NSUN5: variants seen among roughly 807,000 people sequenced by gnomAD.
The protein encoded by NSUN5 is 28S rRNA (cytosine-C(5))-methyltransferase.
A neutral mutation model predicts 51.1 loss-of-function variants in NSUN5; 39 were observed. That is an observed-to-expected ratio of 0.76 (90% CI 0.59 to 1.00). The LOEUF is 1.00. Ranked by LOEUF, NSUN5 falls within the 50% of genes least tolerant of loss-of-function variation. NSUN5 has a pLI of 0.00. For missense variants in NSUN5, 526 were observed against 614.0 expected, an observed-to-expected ratio of 0.86 and a Z score of 1.51; for synonymous variants, 266 against 271.5, an observed-to-expected ratio of 0.98 and a Z score of 0.20.
At position 73,306,211 on chromosome 7, in the gene NSUN5, C is replaced by A. The variant is rs577295011; in HGVS notation, c.501-1114G>T. 2.6e-3 allele frequency among the ~76,000 whole-genome samples: 400 copies of A among 151,266 alleles called. 2 individuals are homozygous for A. Among genetic ancestry groups the A allele is most frequent in the Non-Finnish European group, 4.8e-3 (325 of 67,762 alleles). On this transcript the variant is annotated intron_variant, in intron 4 of 9. Coordinates refer to ENST00000438747, the MANE Select transcript of NSUN5 (RefSeq NM_148956.4). ...ACCAGCCTGACCAACATGGAGAAACCCCGTCTCTACTAAAAATACAAAATT... is the reference window on the plus strand; with the variant it reads ...ACCAGCCTGACCAACATGGAGAAACACCGTCTCTACTAAAAATACAAAATT...
rs11544045 is a variant in NSUN5 at position 73,303,912 on chromosome 7, C to G, written c.1059G>C (p.Arg353=). The G allele has an allele frequency of 1.2e-6, 2 of 1,613,878 alleles. No individual in the cohort carries two copies. The highest frequency in any genetic ancestry group is 4.5e-5 in the East Asian group (2 of 44,878). ...CHALTFPSLQ[R]LVYSTCSLCQ... is the part of the protein sequence containing the mutation. ...AGAGGGAGCACGTGGAGTAGACGAG[C>G]CGCTGCAGGGAAGGGAAAGTGAGTG... The change falls in exon 8 of 10, where the codon CGG becomes CGC. Residue 353 remains arginine (R), a synonymous_variant. Coordinates refer to ENST00000438747, the MANE Select transcript of NSUN5 (RefSeq NM_148956.4).
chr7:73,304,430 C>A, intron 6 of NSUN5, 22 bp from the exon 7 acceptor site: 1 of 1,599,132 alleles, frequency 6.3e-7, no homozygotes, highest in South Asian at 1.1e-5. Context: ...CAGGGGTGAG[C>A]TGAGCACGCA....
intron 2 of NSUN5, chr7:73,308,204 A>G: frequency 1.7e-6 from 1 of 577,534 alleles, no homozygotes; most frequent in Non-Finnish European, 2.9e-6. Context: ...CGACTTCCTT[A>G]CAGTCTCCGC....
chr7:73,304,072 AG>A (rs1554541390), intron 7 of NSUN5, 36 bp from the exon 8 acceptor site: 2 of 1,604,470 alleles, frequency 1.2e-6, no homozygotes, highest in African/African-American at 2.7e-5. Flanking sequence ...ATAGCTTCAC[AG>A]GCTACCTCAG....
At chr7:73,304,654 G>C (rs1175221169) in intron 6 of NSUN5, 93 bp downstream of exon 6, 5 of 1,140,138 alleles carry the variant, frequency 4.4e-6, no homozygotes, top group Non-Finnish European at 5.3e-6. Flanking sequence ...CAGCAAGAAA[G>C]ACTTAAGCGA....
At position 73,304,718 on chromosome 7, in the gene NSUN5, T is replaced by C. The variant is rs782387726; in HGVS notation, c.755+29A>G. On this transcript the variant is annotated intron_variant, in intron 6 of 9. Coordinates refer to ENST00000438747, the MANE Select transcript of NSUN5 (RefSeq NM_148956.4). ...CTGAAAGGCACAGAATCAAACCCCA[T>C]GTCCTCCTCCTCCTCCTGTGGCACT... 2.0e-5 allele frequency: 31 copies of C among 1,531,678 alleles called. No homozygotes were observed. In the Admixed American group the frequency reaches 3.2e-4, roughly 16 times the overall value. 94.9% of individuals were successfully genotyped at this position (1,531,678 alleles called of 1,614,324 possible). A position where few individuals can be genotyped will look rare whatever the true frequency, so the allele number is the denominator to read the frequency against.
At chr7:73,306,629 G>A (rs372696251) in intron 4 of NSUN5, among the ~76,000 whole-genome samples, 33 of 151,190 alleles carry the variant, frequency 2.2e-4, no homozygotes, top group Non-Finnish European at 2.8e-4. Flanking sequence ...CCTGTAATCC[G>A]AGCACTTTGG....
chr7:73,308,434 G>A lies in NSUN5; in HGVS notation c.213C>T (p.Ala71=), dbSNP rs1405506404. The A allele has an allele frequency of 6.2e-7, 1 of 1,600,082 alleles. No homozygotes were observed. Among genetic ancestry groups the A allele is most frequent in the African/African-American group, 1.3e-5 (1 of 74,690 alleles). The change falls in exon 2 of 10, where the codon GCC becomes GCT. Residue 71 remains alanine, a synonymous_variant. Coordinates refer to ENST00000438747, the MANE Select transcript of NSUN5 (RefSeq NM_148956.4). The stretch of plus-strand genomic sequence containing the variant: ...CCCGTCCCTCCCCTCCCCTCACCTT[G>A]GCCAGGTGCGGCCGCAGCTTCTTCT... The part of the protein sequence containing the change: ...RAEKKLRPHL[A]KVLVYELLLG...
rs782167084 is a variant in NSUN5 at position 73,304,030 on chromosome 7, G to A, written c.941C>T (p.Pro314Leu). 1.5e-5 allele frequency: 25 copies of A among 1,613,910 alleles called. No homozygotes were observed. Among genetic ancestry groups the A allele is most frequent in the Admixed American group, 3.3e-5 (2 of 60,014 alleles). ...CCCGGGCTCCTCCAGCTGTCTGCTC[G>A]GCATACCTAAGGAAAAGAGTGTCTC... ...LDPSCSGSGM[P>L]SRQLEEPGAG... Residue 314 changes from proline to leucine, a missense_variant, in exon 8 of 10, where the codon CCG becomes CTG. Transcript: ENST00000438747.
At chr7:73,307,268 ATGGATAAAC>A in intron 4 of NSUN5, 117 bp downstream of exon 4, 1 of 680,252 alleles carries the variant, frequency 1.5e-6, no homozygotes, top group South Asian at 1.8e-5. Flanking sequence ...AACCTTGGAG[ATGGATAAAC>A]TGCTGGAAAG....
intron 1 of NSUN5, 40 bp from the exon 2 acceptor site, chr7:73,308,593 C>G (rs782816264): frequency 6.3e-7 from 1 of 1,588,208 alleles, no homozygotes; most frequent in African/African-American, 1.3e-5. Context: ...GGGGCTCCCC[C>G]GGCCCTCCTC....
At position 73,307,576 on chromosome 7, in the gene NSUN5, A is replaced by T; in HGVS notation, c.391+7T>A. The T allele has an allele frequency of 1.3e-6, 1 of 740,914 alleles. No individual in the cohort carries two copies. The highest frequency in any genetic ancestry group is 2.0e-6 in the Non-Finnish European group (1 of 489,746). 45.9% of individuals were successfully genotyped at this position (740,914 alleles called of 1,614,324 possible). ...CCTCCCCCACCCCCCAACTCCTTCCAGCTTACCTGGACCAGGCCTGGATCC... is the reference window on the plus strand; with the variant it reads ...CCTCCCCCACCCCCCAACTCCTTCCTGCTTACCTGGACCAGGCCTGGATCC... On this transcript the variant is annotated splice_region_variant and intron_variant, in intron 3 of 9. Transcript: ENST00000438747.
intron 5 of NSUN5, 21 bp from the exon 6 acceptor site, chr7:73,304,883 G>A (rs782541320): frequency 1.2e-6 from 2 of 1,613,804 alleles, no homozygotes; most frequent in Non-Finnish European, 1.7e-6. Flanking sequence ...GAGCACAGGA[G>A]CCAGGTAAAC....
chr7:73,308,539 C>A lies in NSUN5; in HGVS notation c.108G>T (p.Leu36=). 2 of 1,601,980 alleles carry A rather than the reference C, an allele frequency of 1.2e-6. No individual in the cohort carries two copies. ...GCTGCGTTTCGCACACCAGCGCGTA[C>A]AGCTGCTTCACGTTCTGTGTGGCCG... ...YSSNFQNVKQ[L]YALVCETQRY... is the part of the protein sequence containing the mutation. The change falls in exon 2 of 10, where the codon CTG becomes CTT. Residue 36 remains leucine, a synonymous_variant. Transcript: ENST00000438747.
chr7:73,304,107 G>A lies in NSUN5; in HGVS notation c.935-71C>T, dbSNP rs757113708. 8.1e-5 allele frequency: 128 copies of A among 1,581,492 alleles called. No homozygotes were observed. In the Middle Eastern group the frequency reaches 1.3e-3, roughly 17 times the overall value. Reference sequence around the variant, plus strand: ...AGTCCTGAAATCCTCGCTTCACAGAGGAGAACTTTTGTCCCAGGGTCCCAA... The same window carrying A: ...AGTCCTGAAATCCTCGCTTCACAGAAGAGAACTTTTGTCCCAGGGTCCCAA... On this transcript the variant is annotated intron_variant, in intron 7 of 9. Transcript: ENST00000438747.
Position 73,304,844 on chromosome 7 carries a change from T to A in NSUN5, c.658A>T (p.Met220Leu). 1 of 1,613,848 alleles carries A rather than the reference T, an allele frequency of 6.2e-7. No homozygotes were observed. The highest frequency in any genetic ancestry group is 2.2e-5 in the East Asian group (1 of 44,846). The change falls in exon 6 of 10, where the codon ATG becomes TTG. Residue 220 changes from methionine to leucine, a missense_variant. Coordinates refer to ENST00000438747, the MANE Select transcript of NSUN5 (RefSeq NM_148956.4). ...LQDRASCLPA[M>L]LLDPPPGSHV... Reference sequence around the variant, plus strand: ...GAGCCTGGCGGGGGGTCCAGCAGCATGGCTGGGAGACAGCTGGCCTGGCAG... The same window carrying A: ...GAGCCTGGCGGGGGGTCCAGCAGCAAGGCTGGGAGACAGCTGGCCTGGCAG...
Position 73,308,778 on chromosome 7 carries a change from C to T in NSUN5, c.13G>A (p.Ala5Thr). The change falls in exon 1 of 10, where the codon GCT becomes ACT. Residue 5 changes from alanine to threonine, a missense_variant. Coordinates refer to ENST00000438747, the MANE Select transcript of NSUN5 (RefSeq NM_148956.4). Reference protein sequence around the residue: MGLYAAAAGVLAGVE... With the variant: MGLYTAAAGVLAGVE... The stretch of plus-strand genomic sequence containing the variant: ...CCGGCCAACACGCCTGCAGCTGCAG[C>T]ATACAGCCCCATGTTCCCGCGCGCC... The T allele has an allele frequency of 1.9e-6, 3 of 1,613,090 alleles. No homozygotes were observed.
At chr7:73,307,057 GACA>G (rs1804068146) in intron 4 of NSUN5, among the ~76,000 whole-genome samples, 1 of 152,004 alleles carries the variant, frequency 6.6e-6, no homozygotes, top group Non-Finnish European at 1.5e-5. Flanking sequence ...GAGGAAAGAT[GACA>G]AATGCAGCGA....
intron 6 of NSUN5, 145 bp from the exon 7 acceptor site, chr7:73,304,553 G>A: frequency 1.1e-6 from 1 of 913,300 alleles, no homozygotes; most frequent in Non-Finnish European, 1.7e-6. Context: ...AACTGGCCTG[G>A]GGTCTCTGCC....
Sources: gnomAD v4.1 joint callset for allele counts (sites outside exome capture counted in the v4.1 genomes callset) on GRCh38, gnomAD v4.1.1 for gene constraint, MANE v1.5 for transcripts, NCBI Gene and HGNC (gene_info 2026-07-23, HGNC 2026-07-21) for gene names.